SLCO3A1: variants seen among roughly 807,000 people sequenced by gnomAD.
The protein encoded by SLCO3A1 is solute carrier organic anion transporter family member 3A1, also known as PGE1 transporter.
A neutral mutation model predicts 63.1 loss-of-function variants in SLCO3A1; 27 were observed. That is an observed-to-expected ratio of 0.43 (90% confidence interval 0.32 to 0.59). SLCO3A1 has a LOEUF of 0.59. Among genes scored for constraint, SLCO3A1 ranks in the 20% least tolerant of loss-of-function variants. The pLI is 0.09. For missense variants in SLCO3A1, 773 were observed against 945.8 expected, an observed-to-expected ratio of 0.82 and a Z score of 2.40; for synonymous variants, 473 against 409.9, an observed-to-expected ratio of 1.15 and a Z score of -1.86.
Position 91,882,922 on chromosome 15 carries a change from G to A in SLCO3A1, c.180+28834G>A, listed in dbSNP as rs917141944. Among the ~76,000 whole-genome samples the A allele has an allele frequency of 1.3e-5, 2 of 152,078 alleles. No individual in the cohort carries two copies. Among genetic ancestry groups the A allele is most frequent in the African/African-American group, 4.8e-5 (2 of 41,394 alleles). Reference sequence around the variant, plus strand: ...AGGTATCACCTTGGTGTCCCAAAGAGATGTAATATCACCTTGTTCTTTAAG... The same window carrying A: ...AGGTATCACCTTGGTGTCCCAAAGAAATGTAATATCACCTTGTTCTTTAAG... On this transcript the variant is annotated intron_variant, in intron 1 of 9. Transcript: ENST00000318445. This position sits in a 1 kb window ranked among gnomAD's most constrained non-coding sequence, Gnocchi z 4.4.
At chr15:92,167,810 T>C (rs1017189311), downstream of SLCO3A1, among the ~76,000 whole-genome samples, 1 of 151,780 alleles carries the variant, frequency 6.6e-6, no homozygotes, top group African/African-American at 2.4e-5. Context: ...AGGGACAACA[T>C]GGGTTATCAA....
At chr15:92,098,377 C>T (rs780311822) in intron 3 of SLCO3A1, among the ~76,000 whole-genome samples, 4 of 152,216 alleles carry the variant, frequency 2.6e-5, no homozygotes, top group Non-Finnish European at 4.4e-5. Flanking sequence ...CATGTTTGAT[C>T]GCTACGTGGT....
intron 2 of SLCO3A1, among the ~76,000 whole-genome samples, chr15:92,077,626 G>GTCCA (rs2047294715): frequency 6.6e-6 from 1 of 152,118 alleles, no homozygotes; most frequent in Non-Finnish European, 1.5e-5. Context: ...ATAAACTAAG[G>GTCCA]TCCAGAGATC....
At chr15:91,966,730 G>C (rs562996600) in intron 2 of SLCO3A1, among the ~76,000 whole-genome samples, 1 of 152,354 alleles carries the variant, frequency 6.6e-6, no homozygotes, top group Non-Finnish European at 1.5e-5. Context: ...TGGTGTATTA[G>C]AATGTCTCAG....
chr15:92,127,974 C>T (rs1256896826), intron 6 of SLCO3A1, among the ~76,000 whole-genome samples: 2 of 152,086 alleles, frequency 1.3e-5, no homozygotes, highest in Admixed American at 1.3e-4. Context: ...GGAGAGGCAT[C>T]GTGGAGGGGG....
In SLCO3A1 at chr15:92,137,477, G is replaced by A. The variant is rs1240665926; in HGVS notation, c.1512+8988G>A. Among the ~76,000 whole-genome samples the A allele has an allele frequency of 2.0e-5, 2 of 99,594 alleles. 1 individual carries two copies. The highest frequency in any genetic ancestry group is 3.7e-5 in the Non-Finnish European group (2 of 53,476). 65.3% of individuals were successfully genotyped at this position (99,594 alleles called of 152,430 possible). On this transcript the variant is annotated intron_variant, in intron 7 of 9. Transcript: ENST00000318445. ...ATAGCAGCATGATTTATAGTCCTTTGGGTATATACCCAGTAATGGGATGGC... is the reference window on the plus strand; with the variant it reads ...ATAGCAGCATGATTTATAGTCCTTTAGGTATATACCCAGTAATGGGATGGC...
intron 4 of SLCO3A1, among the ~76,000 whole-genome samples, chr15:92,111,891 A>G (rs908294209): frequency 3.3e-5 from 5 of 152,240 alleles, no homozygotes; most frequent in Admixed American, 2.0e-4. Context: ...AAATGGTTAC[A>G]TGGCCAAATA....
rs1306667992 is a variant in SLCO3A1 at position 91,950,829 on chromosome 15, CAG to C, written c.646+34375_646+34376del. Among the ~76,000 whole-genome samples, 1 of 151,954 alleles carries C rather than the reference CAG, an allele frequency of 6.6e-6. No individual in the cohort carries two copies. Among genetic ancestry groups the C allele is most frequent in the African/African-American group, 2.4e-5 (1 of 41,320 alleles). On this transcript the variant is annotated intron_variant, in intron 2 of 9. Coordinates refer to ENST00000318445, the MANE Select transcript of SLCO3A1 (RefSeq NM_013272.4). The surrounding 1 kb of genome is among the most constrained non-coding windows in gnomAD (Gnocchi z 4.4). The stretch of plus-strand genomic sequence containing the variant: ...AATTCTGCCTTTAGTAATTTGATGA[CAG>C]AGACTTCTTGGGAACCACAGCCAGG...
chr15:92,100,137 G>A (rs1228207146), intron 3 of SLCO3A1, among the ~76,000 whole-genome samples: 4 of 151,772 alleles, frequency 2.6e-5, no homozygotes, highest in Non-Finnish European at 1.5e-5. Context: ...TATGCCTGTT[G>A]ACACCTATGT....
At position 92,165,830 on chromosome 15, in the gene SLCO3A1, A is replaced by G. The variant is rs559349903; in HGVS notation, c.*2695A>G. 2.0e-6 allele frequency: 2 copies of G among 985,352 alleles called. No individual in the cohort carries two copies. Among genetic ancestry groups the G allele is most frequent in the South Asian group, 4.7e-5 (1 of 21,288 alleles). The allele number at this position is 985,352 out of a possible 1,614,324, so 61.0% of individuals were successfully genotyped here. A position where few individuals can be genotyped will look rare whatever the true frequency, so the allele number is the denominator to read the frequency against. ...TATCTGTTTGGTTTCAAGTGAATGAAAAGATTTCCTGGTAAGATCATTGGA... is the reference window on the plus strand; with the variant it reads ...TATCTGTTTGGTTTCAAGTGAATGAGAAGATTTCCTGGTAAGATCATTGGA... On this transcript the variant is annotated 3_prime_UTR_variant, in exon 10 of 10. Coordinates refer to ENST00000318445, the MANE Select transcript of SLCO3A1 (RefSeq NM_013272.4).
intron 2 of SLCO3A1, among the ~76,000 whole-genome samples, chr15:92,048,797 C>T (rs2046921971): frequency 6.6e-6 from 1 of 152,132 alleles, no homozygotes; most frequent in South Asian, 2.1e-4. Flanking sequence ...CCTCGGGAGG[C>T]TGAGGTAGGA....
intron 2 of SLCO3A1, among the ~76,000 whole-genome samples, chr15:91,918,048 A>G (rs1898719945): frequency 1.3e-5 from 2 of 152,302 alleles, no homozygotes; most frequent in Non-Finnish European, 2.9e-5. Context: ...GTGCTGTATC[A>G]CTTCTGCCTG....
chr15:92,153,752 G>A (rs2048336870), intron 9 of SLCO3A1: 3 of 152,306 alleles, frequency 2.0e-5, no homozygotes, highest in Admixed American at 1.3e-4. Context: ...TGGGGAAGGA[G>A]TAAGAGTCAT....
At chr15:91,959,772 G>T (rs548245712) in intron 2 of SLCO3A1, among the ~76,000 whole-genome samples, 16 of 149,944 alleles carry the variant, frequency 1.1e-4, no homozygotes, top group Non-Finnish European at 1.9e-4. Flanking sequence ...ACACAGTTCA[G>T]TTGTTTAGTG....
chr15:91,916,321 G>A lies in SLCO3A1; in HGVS notation c.509G>A (p.Arg170Gln), dbSNP rs201204621. Residue 170 changes from arginine (R) to glutamine (Q), a missense_variant, in exon 2 of 10, where the codon CGG (arginine) becomes CAG (glutamine). By Grantham distance (43) the Arg-to-Gln change is conservative. Transcript: ENST00000318445. The surrounding 1 kb of genome is among the most constrained non-coding windows in gnomAD (Gnocchi z 6.2). The stretch of plus-strand genomic sequence containing the variant: ...GACCCCGACCTCATCTGCCGCAACC[G>A]GACGGCTACCAACATGATGTACTTG... ...GPDPDLICRN[R>Q]TATNMMYLLL... is the part of the protein sequence containing the mutation. 2.5e-6 allele frequency: 4 copies of A among 1,593,602 alleles called. No individual in the cohort carries two copies. The highest frequency in any genetic ancestry group is 1.1e-5 in the South Asian group (1 of 88,404).
chr15:91,998,858 G>T (rs140792460), intron 2 of SLCO3A1, among the ~76,000 whole-genome samples: 29 of 152,320 alleles, frequency 1.9e-4, no homozygotes, highest in African/African-American at 6.7e-4. Context: ...ATTGTAGCAC[G>T]ATTCACAATA....
intron 4 of SLCO3A1, among the ~76,000 whole-genome samples, chr15:92,109,769 G>A (rs779608125): frequency 6.6e-6 from 1 of 152,006 alleles, no homozygotes; most frequent in Non-Finnish European, 1.5e-5. Context: ...CGGAGCTCTG[G>A]CGTCGACCTC....
rs1374632049 is a variant in SLCO3A1 at position 91,863,047 on chromosome 15, A to G, written c.180+8959A>G. Among the ~76,000 whole-genome samples the G allele has an allele frequency of 1.3e-5, 2 of 152,250 alleles. No homozygotes were observed. Among genetic ancestry groups the G allele is most frequent in the Non-Finnish European group, 2.9e-5 (2 of 68,040 alleles). ...GCTGATTATATAAGCTATAAAATAC[A>G]GCACCTAAAGTCTTATGTTTACTCT... On this transcript the variant is annotated intron_variant, in intron 1 of 9. Transcript: ENST00000318445. This position sits in a 1 kb window ranked among gnomAD's most constrained non-coding sequence, Gnocchi z 4.3.
At chr15:92,061,354 G>A (rs745952612) in intron 2 of SLCO3A1, among the ~76,000 whole-genome samples, 2 of 152,190 alleles carry the variant, frequency 1.3e-5, no homozygotes, top group Non-Finnish European at 2.9e-5. Context: ...GGATGAAAGG[G>A]AGGGCTTGTC....
Sources: allele counts gnomAD v4.1 joint callset (sites outside exome capture counted in the v4.1 genomes callset), GRCh38; gene constraint gnomAD v4.1.1; non-coding constraint Gnocchi (gnomAD v3.1); transcripts MANE v1.5; gene names NCBI Gene and HGNC (gene_info 2026-07-23, HGNC 2026-07-21).